DOK6: variants seen among roughly 807,000 people sequenced by gnomAD.
The protein encoded by DOK6 is downstream of tyrosine kinase 6.
DOK6 carries 22 observed loss-of-function variants against 44.0 expected under a neutral mutation model. The ratio of observed to expected loss-of-function variants is 0.50; its 90% CI spans 0.36 to 0.71. DOK6 has a LOEUF of 0.71. DOK6 is among the 30% of genes least tolerant of loss of function. The pLI is 0.00. For synonymous variants in DOK6, 166 were observed against 145.5 expected (o/e 1.14, Z -1.01); for missense variants, 340 against 416.4 (o/e 0.82, Z 1.60).
In DOK6 at chr18:69,847,138, T is replaced by C. The variant is rs1982362418; in HGVS notation, c.*5755T>C. Reference sequence around the variant, plus strand: ...ATTCTGTTTAACTAGTAAGTTTTTTTTAAGTTATCTTCCATGCCTGCTTCC... The same window carrying C: ...ATTCTGTTTAACTAGTAAGTTTTTTCTAAGTTATCTTCCATGCCTGCTTCC... On this transcript the variant is annotated 3_prime_UTR_variant, in exon 8 of 8. Coordinates refer to ENST00000382713, the MANE Select transcript of DOK6 (RefSeq NM_152721.6). The C allele has an allele frequency of 6.6e-6, 1 of 152,178 alleles. No individual in the cohort carries two copies. The highest frequency in any genetic ancestry group is 2.4e-5 in the African/African-American group (1 of 41,440). 9.4% of individuals were successfully genotyped at this position (152,178 alleles called of 1,614,324 possible).
intron 1 of DOK6, among the ~76,000 whole-genome samples, chr18:69,433,157 A>G (rs1009480416): frequency 1.3e-5 from 2 of 152,170 alleles, no homozygotes; most frequent in African/African-American, 4.8e-5. Context: ...AATCTAGTTT[A>G]AGTCTATATA....
At chr18:69,679,545 C>G (rs17199965) in intron 4 of DOK6, among the ~76,000 whole-genome samples, 20,150 of 152,206 alleles carry the variant, frequency 0.13, 1,437 homozygotes, top group Middle Eastern at 0.18. Context: ...GAGAGCAGTG[C>G]TAAGCAGAGT....
At chr18:69,471,632 TG>T in intron 1 of DOK6, 1 of 146,736 alleles carries the variant, frequency 6.8e-6, no homozygotes, top group Admixed American at 7.0e-5. Flanking sequence ...TACAACTGGG[TG>T]GGGGGTTGCA....
At chr18:69,711,671 T>C (rs1485753320) in intron 5 of DOK6, among the ~76,000 whole-genome samples, 1 of 152,220 alleles carries the variant, frequency 6.6e-6, no homozygotes, top group East Asian at 1.9e-4. Context: ...CATATTTATT[T>C]GCTCATCTAT....
intron 3 of DOK6, among the ~76,000 whole-genome samples, chr18:69,637,881 GT>G (rs33973960): frequency 0.086 from 12,633 of 146,778 alleles, 598 homozygotes; most frequent in East Asian, 0.17. Context: ...AAACTTTTAA[GT>G]TTTTTTTTTT....
At chr18:69,666,833 C>A (rs1363311679) in intron 3 of DOK6, among the ~76,000 whole-genome samples, 2 of 152,186 alleles carry the variant, frequency 1.3e-5, no homozygotes, top group African/African-American at 4.8e-5. Context: ...CTGCCATCAG[C>A]AGGGATTCAC....
intron 1 of DOK6, among the ~76,000 whole-genome samples, chr18:69,524,802 A>T (rs1981784673): frequency 6.6e-6 from 1 of 151,906 alleles, no homozygotes; most frequent in Non-Finnish European, 1.5e-5. Context: ...ATAATCATTA[A>T]ACAAATTTTT....
intron 1 of DOK6, among the ~76,000 whole-genome samples, chr18:69,535,252 C>A (rs1464390516): frequency 6.6e-6 from 1 of 151,938 alleles, no homozygotes; most frequent in Non-Finnish European, 1.5e-5. Flanking sequence ...AATAGTTTTT[C>A]TTATATTTAT....
chr18:69,734,360 T>A (rs1978524994), intron 5 of DOK6, among the ~76,000 whole-genome samples: 1 of 121,672 alleles, frequency 8.2e-6, no homozygotes, highest in Admixed American at 1.1e-4. Flanking sequence ...TAGATTAAAG[T>A]CTGACTCAGA....
chr18:69,525,191 A>G (rs77987972), intron 1 of DOK6, among the ~76,000 whole-genome samples: 210 of 151,934 alleles, frequency 1.4e-3, no homozygotes, highest in Non-Finnish European at 2.4e-3. Flanking sequence ...AGGTAATTAT[A>G]CTTCAGATTT....
intron 1 of DOK6, among the ~76,000 whole-genome samples, chr18:69,411,139 T>A (rs972888004): frequency 2.0e-5 from 3 of 152,120 alleles, no homozygotes; most frequent in Admixed American, 1.3e-4. Flanking sequence ...ACCATCAAGC[T>A]GACAAGTCGT....
chr18:69,452,555 A>G (rs992595962), intron 1 of DOK6, among the ~76,000 whole-genome samples: 1 of 138,890 alleles, frequency 7.2e-6, no homozygotes, highest in Non-Finnish European at 1.5e-5. Context: ...TCCCTAACTC[A>G]TTTTATGAGG....
intron 1 of DOK6, among the ~76,000 whole-genome samples, chr18:69,407,512 T>G (rs1241438961): frequency 2.6e-5 from 4 of 152,204 alleles, no homozygotes. Flanking sequence ...GTCCACAGAG[T>G]CCACAAATTC....
chr18:69,840,803 G>A (rs1280911868), intron 7 of DOK6, among the ~76,000 whole-genome samples: 1 of 152,228 alleles, frequency 6.6e-6, no homozygotes. Context: ...TGTTCCCAGA[G>A]ATTTTAAGAA....
intron 1 of DOK6, among the ~76,000 whole-genome samples, chr18:69,461,026 A>G (rs546170770): frequency 2.0e-5 from 3 of 152,224 alleles, no homozygotes; most frequent in Non-Finnish European, 4.4e-5. Flanking sequence ...TGCCTTTCCC[A>G]TAGCCTTGCT....
At chr18:69,628,816 G>A (rs1414626869) in intron 3 of DOK6, among the ~76,000 whole-genome samples, 1 of 152,162 alleles carries the variant, frequency 6.6e-6, no homozygotes, top group Non-Finnish European at 1.5e-5. Flanking sequence ...CCAAGTATGA[G>A]AGTAATTCAC....
intron 1 of DOK6, among the ~76,000 whole-genome samples, chr18:69,531,264 AT>A (rs1981978180): frequency 6.8e-6 from 1 of 147,190 alleles, no homozygotes; most frequent in Non-Finnish European, 1.5e-5. Flanking sequence ...ACTTACATAT[AT>A]ATATATAATA....
chr18:69,723,747 T>C (rs1978293902), intron 5 of DOK6, among the ~76,000 whole-genome samples: 1 of 152,216 alleles, frequency 6.6e-6, no homozygotes, highest in Non-Finnish European at 1.5e-5. Flanking sequence ...TGTGTTCATA[T>C]TTTGATCCTC....
In DOK6 at chr18:69,673,228, G is replaced by GCGTATA. The variant is rs1476366037; in HGVS notation, c.290-4506_290-4505insCGTATA. Among the ~76,000 whole-genome samples, 11 of 110,418 alleles carry GCGTATA rather than the reference G, an allele frequency of 1.0e-4. No individual in the cohort carries two copies. The East Asian group carries it at 4.9e-3, about 49-fold the overall frequency. The allele number at this position is 110,418 out of a possible 152,430, so 72.4% of individuals were successfully genotyped here. ...TTTGGGCTGATAGCATATTTTCTGT[G>GCGTATA]TGTATATATATATATATGATGAAAA... On this transcript the variant is annotated intron_variant, in intron 3 of 7. Coordinates refer to ENST00000382713, the MANE Select transcript of DOK6 (RefSeq NM_152721.6).
Sources: allele counts gnomAD v4.1 joint callset (sites outside exome capture counted in the v4.1 genomes callset), GRCh38; gene constraint gnomAD v4.1.1; transcripts MANE v1.5; gene names NCBI Gene and HGNC (gene_info 2026-07-23, HGNC 2026-07-21).